PTPRD: variants seen among roughly 807,000 people sequenced by gnomAD.
PTPRD encodes receptor-type tyrosine-protein phosphatase delta.
Under a neutral mutation model 214.5 loss-of-function variants are expected in PTPRD, and 34 were observed. The ratio of observed to expected loss-of-function variants is 0.16; its 90% CI spans 0.12 to 0.21. The LOEUF (loss-of-function observed/expected upper bound fraction) is 0.21. Ranked by LOEUF, PTPRD falls within the 10% of genes least tolerant of loss-of-function variation. The probability of loss-of-function intolerance (pLI) is 1.00; values close to 1 mark genes in which losing one functional copy is unlikely to be tolerated. For synonymous variants in PTPRD, 1,128 were observed against 845.7 expected, an observed-to-expected ratio of 1.33 and a Z score of -5.79; for missense variants, 2,545 against 2,398.7, an observed-to-expected ratio of 1.06 and a Z score of -1.27.
At chr9:9,612,546 A>G (rs2094571616) in intron 7 of PTPRD, among the ~76,000 whole-genome samples, 1 of 152,180 alleles carries the variant, frequency 6.6e-6, no homozygotes, top group Non-Finnish European at 1.5e-5. Flanking sequence ...TTCCTCTCTC[A>G]TGATCTGCGT....
chr9:9,264,715 A>T (rs1938282068), intron 9 of PTPRD, among the ~76,000 whole-genome samples: 1 of 151,640 alleles, frequency 6.6e-6, no homozygotes, highest in South Asian at 2.1e-4. Context: ...CACTGCAAAT[A>T]AGATTTCACC....
chr9:9,597,077 T>C (rs183900655), intron 7 of PTPRD, among the ~76,000 whole-genome samples: 9 of 152,042 alleles, frequency 5.9e-5, no homozygotes, highest in South Asian at 2.1e-4. Flanking sequence ...CCAGTAGTCA[T>C]TGAAAAACGA....
rs143637213 is a variant in PTPRD, at chr9:8,390,692, G to C, written c.4211-1285C>G. The stretch of plus-strand genomic sequence containing the variant: ...TGTAGATATTGTGATTTAAAGCCTA[G>C]TTTTCCATCAGCACATGCCTTTAAG... On this transcript the variant is annotated intron_variant, in intron 36 of 45. Transcript: ENST00000381196. Among the ~76,000 whole-genome samples, 56 of 152,236 alleles carry C rather than the reference G, an allele frequency of 3.7e-4. No individual in the cohort carries two copies. The East Asian group carries it at 4.1e-3, about 11-fold the overall frequency.
At chr9:10,275,965 G>A (rs771253450) in intron 3 of PTPRD, among the ~76,000 whole-genome samples, 12 of 152,232 alleles carry the variant, frequency 7.9e-5, no homozygotes, top group African/African-American at 2.6e-4. Context: ...CCTCTTTCAG[G>A]CTACAGTGTT....
At chr9:9,700,202 C>T (rs996728200) in intron 7 of PTPRD, among the ~76,000 whole-genome samples, 5 of 151,952 alleles carry the variant, frequency 3.3e-5, no homozygotes, top group South Asian at 2.1e-4. Context: ...TACTGCCCTT[C>T]GGAAATACAT....
At chr9:10,456,573 T>G (rs1187139394) in intron 2 of PTPRD, among the ~76,000 whole-genome samples, 1 of 151,914 alleles carries the variant, frequency 6.6e-6, no homozygotes, top group Non-Finnish European at 1.5e-5. Context: ...AGTCGTCAAA[T>G]AGATAGCACC....
At chr9:9,493,802 A>G (rs1307242061) in intron 8 of PTPRD, among the ~76,000 whole-genome samples, 2 of 151,032 alleles carry the variant, frequency 1.3e-5, no homozygotes, top group Non-Finnish European at 3.0e-5. Context: ...AAAAAAAAAA[A>G]AAAAAAAAGA....
intron 9 of PTPRD, among the ~76,000 whole-genome samples, chr9:9,381,562 G>A (rs1192100651): frequency 6.6e-6 from 1 of 151,644 alleles, no homozygotes; most frequent in East Asian, 1.9e-4. Flanking sequence ...GTTTCACCAT[G>A]TTTCCCAGGC....
Position 9,546,078 on chromosome 9 carries a change from T to G in PTPRD, c.-237+28654A>C, listed in dbSNP as rs137995398. 1.1e-4 allele frequency among the ~76,000 whole-genome samples: 16 copies of G among 151,920 alleles called. No individual in the cohort carries two copies. In the East Asian group the frequency reaches 3.1e-3, roughly 29 times the overall value. On this transcript the variant is annotated intron_variant, in intron 8 of 45. Coordinates refer to ENST00000381196, the MANE Select transcript of PTPRD (RefSeq NM_002839.4). ...ATGGTATTGTGTTTTTAATCTCAATTTCCACTTGTTTATTTCTGGTATATA... is the reference window on the plus strand; with the variant it reads ...ATGGTATTGTGTTTTTAATCTCAATGTCCACTTGTTTATTTCTGGTATATA...
chr9:9,655,829 T>C (rs1449765530), intron 7 of PTPRD, among the ~76,000 whole-genome samples: 2 of 151,058 alleles, frequency 1.3e-5, no homozygotes, highest in Non-Finnish European at 3.0e-5. Context: ...AATGCAAAAA[T>C]TAGCTGGGCG....
At chr9:8,898,348 A>C (rs978823202) in intron 11 of PTPRD, among the ~76,000 whole-genome samples, 3 of 152,160 alleles carry the variant, frequency 2.0e-5, no homozygotes, top group Admixed American at 2.0e-4. Context: ...GGGAAGGAGA[A>C]GAAAACTGAA....
At chr9:10,420,158 C>A (rs867188727) in intron 2 of PTPRD, among the ~76,000 whole-genome samples, 11 of 151,860 alleles carry the variant, frequency 7.2e-5, no homozygotes, top group South Asian at 2.1e-4. Context: ...TAGAAGCTAT[C>A]ATTTTTTGGA....
At chr9:8,571,713 T>C (rs1251982050) in intron 14 of PTPRD, among the ~76,000 whole-genome samples, 1 of 152,146 alleles carries the variant, frequency 6.6e-6, no homozygotes, top group Non-Finnish European at 1.5e-5. Context: ...CTTCCATTTG[T>C]TCATTTTAAG....
intron 8 of PTPRD, among the ~76,000 whole-genome samples, chr9:9,452,662 A>G (rs1385074782): frequency 1.3e-5 from 2 of 151,122 alleles, no homozygotes; most frequent in Non-Finnish European, 3.0e-5. Flanking sequence ...AGGATTTGCT[A>G]AGGATTCACA....
At chr9:8,414,302 A>T (rs2093736270) in intron 35 of PTPRD, among the ~76,000 whole-genome samples, 1 of 152,188 alleles carries the variant, frequency 6.6e-6, no homozygotes, top group African/African-American at 2.4e-5. Context: ...ATTCATTCTA[A>T]GCTATCACCT....
intron 11 of PTPRD, among the ~76,000 whole-genome samples, chr9:8,869,732 G>GAAA (rs201895275): frequency 0.011 from 1,475 of 136,052 alleles, 28 homozygotes; most frequent in East Asian, 0.095. Context: ...TTCTTAAAAG[G>GAAA]AAAAAAAAAA....
chr9:10,360,943 A>G (rs1565533557), intron 2 of PTPRD, among the ~76,000 whole-genome samples: 1 of 152,082 alleles, frequency 6.6e-6, no homozygotes, highest in South Asian at 2.1e-4. Context: ...TCTACTAAAA[A>G]TACAAAAAAT....
At chr9:9,795,625 C>A (rs192963579) in intron 5 of PTPRD, among the ~76,000 whole-genome samples, 20 of 152,150 alleles carry the variant, frequency 1.3e-4, no homozygotes, top group South Asian at 2.1e-4. Flanking sequence ...ATGTCATTAA[C>A]CTTTTTCTTA....
intron 3 of PTPRD, among the ~76,000 whole-genome samples, chr9:10,299,072 A>C (rs2095783613): frequency 6.6e-6 from 1 of 152,144 alleles, no homozygotes; most frequent in African/African-American, 2.4e-5. Flanking sequence ...AATGTAGTAA[A>C]TGTTCAATTA....
Sources: allele counts gnomAD v4.1 joint callset (sites outside exome capture counted in the v4.1 genomes callset), GRCh38; gene constraint gnomAD v4.1.1; transcripts MANE v1.5; gene names NCBI Gene and HGNC (gene_info 2026-07-23, HGNC 2026-07-21).